The following KATNAL1 variants were observed in gnomAD, a reference collection of about 807,000 sequenced individuals.
KATNAL1 encodes the protein katanin p60 ATPase-containing subunit A-like 1.
Under a neutral mutation model 55.2 loss-of-function variants are expected in KATNAL1, and 32 were observed. The observed-to-expected ratio is 0.58, with a 90% CI of 0.44 to 0.78. KATNAL1 has a LOEUF of 0.78. Among genes scored for constraint, KATNAL1 ranks in the 30% least tolerant of loss-of-function variants. The pLI, the probability that KATNAL1 is intolerant of heterozygous loss-of-function variation, is 0.00. For synonymous variants in KATNAL1, 193 were observed against 193.6 expected, an observed-to-expected ratio of 1.00 and a Z score of 0.02; for missense variants, 466 against 600.9, an observed-to-expected ratio of 0.78 and a Z score of 2.35.
chr13:30,285,407 A>C (rs1208279387), intron 1 of KATNAL1, among the ~76,000 whole-genome samples: 1 of 152,168 alleles, frequency 6.6e-6, no homozygotes, highest in Non-Finnish European at 1.5e-5. Flanking sequence ...ATAATGAGTA[A>C]GTCTCATGAG....
At chr13:30,270,548 T>A (rs1480467468) in intron 3 of KATNAL1, among the ~76,000 whole-genome samples, 363 of 152,168 alleles carry the variant, frequency 2.4e-3, no homozygotes, top group African/African-American at 7.7e-3. Context: ...GAGGTAGACA[T>A]GGGAGACTTT....
intron 4 of KATNAL1, among the ~76,000 whole-genome samples, chr13:30,254,247 T>C (rs1878595413): frequency 1.3e-5 from 2 of 152,196 alleles, no homozygotes; most frequent in Non-Finnish European, 2.9e-5. Flanking sequence ...ATAAAGAGTT[T>C]CAAGTATCCA....
chr13:30,285,776 C>G (rs1411399363), intron 1 of KATNAL1, among the ~76,000 whole-genome samples: 1 of 152,182 alleles, frequency 6.6e-6, no homozygotes, highest in African/African-American at 2.4e-5. Flanking sequence ...TTCCTAGAGA[C>G]TTGCTGAATG....
intron 4 of KATNAL1, among the ~76,000 whole-genome samples, chr13:30,242,190 G>A (rs953323131): frequency 2.0e-5 from 3 of 152,126 alleles, no homozygotes; most frequent in African/African-American, 7.2e-5. Context: ...ATCAACGAAA[G>A]AATACAACAG....
At position 30,204,991 on chromosome 13, in the gene KATNAL1, AAG is replaced by A. The variant is rs1872978195; in HGVS notation, c.*3547_*3548del. 6.6e-6 allele frequency: 1 copy of A among 152,328 alleles called. No individual in the cohort carries two copies. Among genetic ancestry groups the A allele is most frequent in the Non-Finnish European group, 1.5e-5 (1 of 68,030 alleles). The allele number at this position is 152,328 out of a possible 1,614,324, so 9.4% of individuals were successfully genotyped here. ...TACTAATATTAATTTCCTTTAAAAA[AAG>A]AAATTATGGGGGCAAAAGGTTTATA... is the stretch of plus-strand genomic sequence containing the variant. On this transcript the variant is annotated 3_prime_UTR_variant, in exon 11 of 11. Transcript: ENST00000380615.
At position 30,304,799 on chromosome 13, in the gene KATNAL1, T is replaced by C. The variant is rs1023342847; in HGVS notation, c.-15+2532A>G. On this transcript the variant is annotated intron_variant, in intron 1 of 10. Coordinates refer to ENST00000380615, the MANE Select transcript of KATNAL1 (RefSeq NM_032116.5). ...TCAAAACTCAACTAATATCTTTATA[T>C]TTCACCCCAATAAAAACCAGCTCCT... Among the ~76,000 whole-genome samples, 136 of 152,258 alleles carry C rather than the reference T, an allele frequency of 8.9e-4. 1 individual carries two copies. Among genetic ancestry groups the C allele is most frequent in the African/African-American group, 3.1e-3 (130 of 41,536 alleles).
chr13:30,220,258 G>A (rs540146920), intron 9 of KATNAL1, among the ~76,000 whole-genome samples: 76 of 152,110 alleles, frequency 5.0e-4, no homozygotes, highest in South Asian at 1.0e-3. Context: ...GTCAGGAGTT[G>A]GAGACCAGCC....
intron 8 of KATNAL1, 104 bp downstream of exon 8, chr13:30,230,364 C>A: frequency 9.8e-7 from 1 of 1,019,250 alleles, no homozygotes. Flanking sequence ...GGTGAATGAA[C>A]AAATAATTAA....
At chr13:30,259,069 G>C (rs1433592434) in intron 3 of KATNAL1, among the ~76,000 whole-genome samples, 1 of 152,236 alleles carries the variant, frequency 6.6e-6, no homozygotes. Context: ...GTCGGACACA[G>C]TGGCTCACAC....
intron 3 of KATNAL1, among the ~76,000 whole-genome samples, chr13:30,257,184 T>A (rs1878867441): frequency 6.6e-6 from 1 of 152,166 alleles, no homozygotes; most frequent in Admixed American, 6.5e-5. Flanking sequence ...GACCTAATTT[T>A]TTTTTTTTGG....
chr13:30,294,781 C>T (rs973304272), intron 1 of KATNAL1, among the ~76,000 whole-genome samples: 2 of 152,194 alleles, frequency 1.3e-5, no homozygotes, highest in Admixed American at 1.3e-4. Flanking sequence ...GGCTGGCTCT[C>T]GTGTCAGGGG....
chr13:30,209,936 C>T (rs1450069806), intron 10 of KATNAL1, among the ~76,000 whole-genome samples: 1 of 152,130 alleles, frequency 6.6e-6, no homozygotes, highest in Non-Finnish European at 1.5e-5. Context: ...TGTCCGCCAC[C>T]ACACCTGGCT....
intron 3 of KATNAL1, among the ~76,000 whole-genome samples, chr13:30,272,355 G>A (rs531282674): frequency 1.4e-4 from 22 of 151,960 alleles, no homozygotes; most frequent in African/African-American, 4.4e-4. Flanking sequence ...CTGAGATTGC[G>A]CCACTGCACT....
At chr13:30,254,826 T>C (rs1248200124) in intron 4 of KATNAL1, among the ~76,000 whole-genome samples, 1 of 152,218 alleles carries the variant, frequency 6.6e-6, no homozygotes, top group Non-Finnish European at 1.5e-5. Context: ...CATCAGATCA[T>C]CCTGGCTACC....
chr13:30,275,145 G>A (rs1472149986), intron 3 of KATNAL1, among the ~76,000 whole-genome samples: 2 of 152,128 alleles, frequency 1.3e-5, no homozygotes, highest in Non-Finnish European at 2.9e-5. Flanking sequence ...AGGTTTACTT[G>A]ACTCATAGTT....
In KATNAL1 at chr13:30,205,198, A is replaced by G. The variant is rs1872996698; in HGVS notation, c.*3342T>C. On this transcript the variant is annotated 3_prime_UTR_variant, in exon 11 of 11. Coordinates refer to ENST00000380615, the MANE Select transcript of KATNAL1 (RefSeq NM_032116.5). ...CTTTTATATATTTTTCCAAAGCACA[A>G]ACAGATTACTATGCCTCTCCATCAG... 1 of 152,252 alleles carries G rather than the reference A, an allele frequency of 6.6e-6. No individual in the cohort carries two copies. Among genetic ancestry groups the G allele is most frequent in the Admixed American group, 6.5e-5 (1 of 15,288 alleles). The allele number at this position is 152,252 out of a possible 1,614,324, so 9.4% of individuals were successfully genotyped here. A position where few individuals can be genotyped will look rare whatever the true frequency, so the allele number is the denominator to read the frequency against.
intron 3 of KATNAL1, among the ~76,000 whole-genome samples, chr13:30,260,999 C>T (rs1214207212): frequency 6.6e-6 from 1 of 151,750 alleles, no homozygotes; most frequent in African/African-American, 2.4e-5. Flanking sequence ...AAGGGAAGCC[C>T]ATCAGACTAA....
rs543042978 is a variant in KATNAL1, at chr13:30,289,602, T to C, written c.-14-5811A>G. 5.0e-4 allele frequency among the ~76,000 whole-genome samples: 76 copies of C among 152,344 alleles called. 1 individual carries two copies. The highest frequency in any genetic ancestry group is 1.7e-3 in the African/African-American group (70 of 41,582). On this transcript the variant is annotated intron_variant, in intron 1 of 10. Coordinates refer to ENST00000380615, the MANE Select transcript of KATNAL1 (RefSeq NM_032116.5). Reference sequence around the variant, plus strand: ...CAGAGTCTGGTAATATCAGTGTATATTGTATTTAACACAGCTATAGTATCA... The same window carrying C: ...CAGAGTCTGGTAATATCAGTGTATACTGTATTTAACACAGCTATAGTATCA...
At position 30,258,956 on chromosome 13, in the gene KATNAL1, C is replaced by T. The variant is rs376751158; in HGVS notation, c.324-3341G>A. Among the ~76,000 whole-genome samples the T allele has an allele frequency of 7.2e-5, 11 of 152,222 alleles. 1 individual carries two copies. The highest frequency in any genetic ancestry group is 2.1e-4 in the South Asian group (1 of 4,820). Reference sequence around the variant, plus strand: ...TTGCTATCAGATTATAAACAAGTATCGTAAGTAGGAATCTTTAAAATATTA... The same window carrying T: ...TTGCTATCAGATTATAAACAAGTATTGTAAGTAGGAATCTTTAAAATATTA... On this transcript the variant is annotated intron_variant, in intron 3 of 10. Transcript: ENST00000380615.
Sources: allele counts gnomAD v4.1 joint callset (sites outside exome capture counted in the v4.1 genomes callset), GRCh38; gene constraint gnomAD v4.1.1; transcripts MANE v1.5; gene names NCBI Gene and HGNC (gene_info 2026-07-23, HGNC 2026-07-21).